ANKRD30B: variants seen among roughly 807,000 people sequenced by gnomAD.
ANKRD30B encodes the protein ankyrin repeat domain-containing protein 30B.
A neutral mutation model predicts 202.2 loss-of-function variants in ANKRD30B; 144 were observed. The ratio of observed to expected loss-of-function variants is 0.71; its 90% CI spans 0.62 to 0.82. The LOEUF (loss-of-function observed/expected upper bound fraction) is 0.82, where lower values mean the gene tolerates loss of function less well. ANKRD30B is among the 40% of genes least tolerant of loss of function. The pLI, the probability that ANKRD30B is intolerant of heterozygous loss-of-function variation, is 0.00. For synonymous variants in ANKRD30B, 508 were observed against 561.3 expected, an observed-to-expected ratio of 0.91 and a Z score of 1.34; for missense variants, 1,487 against 1,669.1, an observed-to-expected ratio of 0.89 and a Z score of 1.90.
chr18:14,810,648 C>T (rs1969863939), intron 28 of ANKRD30B, among the ~76,000 whole-genome samples: 1 of 150,810 alleles, frequency 6.6e-6, no homozygotes, highest in African/African-American at 2.5e-5. Flanking sequence ...GTGTGTGTGA[C>T]ATATAATTTT....
intron 14 of ANKRD30B, 97 bp from the exon 15 acceptor site, chr18:14,786,942 A>T: frequency 8.0e-7 from 1 of 1,246,996 alleles, no homozygotes; most frequent in Non-Finnish European, 1.1e-6. Flanking sequence ...CAGAGGAAAA[A>T]CTACAGATTC....
chr18:14,806,307 C>T (rs1969510689), intron 24 of ANKRD30B, among the ~76,000 whole-genome samples: 1 of 150,718 alleles, frequency 6.6e-6, no homozygotes, highest in Non-Finnish European at 1.5e-5. Context: ...TAAAAAGCAT[C>T]ATAATAATTA....
chr18:14,804,750 A>G (rs1411298662), intron 24 of ANKRD30B, among the ~76,000 whole-genome samples: 2 of 150,986 alleles, frequency 1.3e-5, no homozygotes, highest in Admixed American at 1.3e-4. Flanking sequence ...GATGGAAGAT[A>G]CTACTTCTAT....
At chr18:14,935,207 C>T in the ANKRD30B span, among the ~76,000 whole-genome samples, 13 of 152,214 alleles carry the variant, frequency 8.5e-5, no homozygotes, top group African/African-American at 2.9e-4. Flanking sequence ...CAAAGGTAGA[C>T]TCATGAAATG....
At chr18:14,796,494 A>G (rs1326437600) in intron 18 of ANKRD30B, 79 bp downstream of exon 18, 2 of 1,439,638 alleles carry the variant, frequency 1.4e-6, no homozygotes, top group South Asian at 1.4e-5. Flanking sequence ...TTTATTCCCA[A>G]TGTTGTTTTC....
At chr18:14,767,475 A>G (rs1916424876) in intron 7 of ANKRD30B, among the ~76,000 whole-genome samples, 1 of 152,210 alleles carries the variant, frequency 6.6e-6, no homozygotes. Flanking sequence ...GGTCTCTCAA[A>G]GTGTCTTGTA....
intron 20 of ANKRD30B, among the ~76,000 whole-genome samples, chr18:14,798,644 C>G (rs1388777841): frequency 6.6e-6 from 1 of 152,036 alleles, no homozygotes; most frequent in East Asian, 1.9e-4. Flanking sequence ...TGGACAGGCA[C>G]CCCCCTCCGT....
the ANKRD30B span, among the ~76,000 whole-genome samples, chr18:14,869,795 A>G: frequency 6.6e-6 from 1 of 152,046 alleles, no homozygotes; most frequent in South Asian, 2.1e-4. Context: ...ATTCTTTAGT[A>G]TGAACTATCA....
rs554724846 is a variant in ANKRD30B at position 14,756,746 on chromosome 18, T to C, written c.618-1069T>C. Among the ~76,000 whole-genome samples the C allele has an allele frequency of 5.9e-5, 9 of 152,252 alleles. No homozygotes were observed. In the East Asian group the frequency reaches 1.7e-3, roughly 29 times the overall value. The stretch of plus-strand genomic sequence containing the variant: ...GCATCTCTACTAAAAATACAAAAAT[T>C]ACTGCCATGGTGGCGCATGCCTGTA... On this transcript the variant is annotated intron_variant, in intron 4 of 43. Transcript: ENST00000690538.
chr18:14,754,846 C>A, intron 3 of ANKRD30B, 53 bp from the exon 4 acceptor site: 1 of 1,263,458 alleles, frequency 7.9e-7, no homozygotes, highest in South Asian at 1.8e-5. Flanking sequence ...GTATTCAGTT[C>A]AGCTGAGAAA....
chr18:14,935,617 T>A, the ANKRD30B span, among the ~76,000 whole-genome samples: 1 of 152,256 alleles, frequency 6.6e-6, no homozygotes, highest in South Asian at 2.1e-4. Context: ...TGTGTGTGCA[T>A]GCATGTGTAT....
At position 14,848,850 on chromosome 18, in the gene ANKRD30B, G is replaced by A. The variant is rs199862156; in HGVS notation, c.3316G>A (p.Glu1106Lys). The change falls in exon 40 of 44, where the codon GAA becomes AAA. Residue 1106 changes from glutamate to lysine, a missense_variant. Glu to Lys is a moderately conservative substitution (Grantham distance 56). This residue lies in a region of ANKRD30B where 177 missense variants were observed against 216.4 expected (regional missense o/e 0.82). Coordinates refer to ENST00000690538, the MANE Select transcript of ANKRD30B (RefSeq NM_001367607.2). The part of the protein sequence containing the change: ...TKNKFCVLQK[E>K]LSEAKEIKSQ... The stretch of plus-strand genomic sequence containing the variant: ...AAATAAGTTTTGTGTACTACAAAAG[G>A]AACTGTCAGAAGCGAAAGAAATAAA... 154 of 1,600,808 alleles carry A rather than the reference G, an allele frequency of 9.6e-5. No individual in the cohort carries two copies. The highest frequency in any genetic ancestry group is 1.2e-4 in the Non-Finnish European group (146 of 1,174,090).
chr18:14,916,324 A>C, the ANKRD30B span, among the ~76,000 whole-genome samples: 2 of 152,082 alleles, frequency 1.3e-5, no homozygotes, highest in African/African-American at 4.8e-5. Context: ...GAATGGCCAC[A>C]GGTTATGTTT....
In ANKRD30B at chr18:14,852,511, T is replaced by A. The variant is rs571585184; in HGVS notation, c.4476+91T>A. 25 of 1,361,128 alleles carry A rather than the reference T, an allele frequency of 1.8e-5. No individual in the cohort carries two copies. In the South Asian group the frequency reaches 3.1e-4, roughly 17 times the overall value. The allele number at this position is 1,361,128 out of a possible 1,614,324, so 84.3% of individuals were successfully genotyped here. ...GAATCTAGTTGAATATATATATATA[T>A]AAATAGATGATAAATGTACTTACTA... On this transcript the variant is annotated intron_variant, in intron 42 of 43. Coordinates refer to ENST00000690538, the MANE Select transcript of ANKRD30B (RefSeq NM_001367607.2).
chr18:14,872,489 GA>G, the ANKRD30B span, among the ~76,000 whole-genome samples: 2 of 152,064 alleles, frequency 1.3e-5, no homozygotes, highest in Non-Finnish European at 2.9e-5. Flanking sequence ...ACAATTTATT[GA>G]GAACCTGTTG....
At chr18:14,879,536 C>T in the ANKRD30B span, among the ~76,000 whole-genome samples, 8 of 151,892 alleles carry the variant, frequency 5.3e-5, no homozygotes, top group Non-Finnish European at 1.0e-4. Flanking sequence ...AATGTAGTAA[C>T]GAACCTAGGG....
chr18:14,765,240 C>T (rs545816903), intron 7 of ANKRD30B, among the ~76,000 whole-genome samples: 70 of 152,034 alleles, frequency 4.6e-4, no homozygotes, highest in African/African-American at 1.6e-3. Flanking sequence ...GCATGTGGAT[C>T]GTGAGGTTAG....
In ANKRD30B at chr18:14,848,837, T is replaced by G. The variant is rs1598720192; in HGVS notation, c.3303T>G (p.Cys1101Trp). The G allele has an allele frequency of 6.3e-7, 1 of 1,593,166 alleles. No individual in the cohort carries two copies. Among genetic ancestry groups the G allele is most frequent in the Non-Finnish European group, 8.5e-7 (1 of 1,169,816 alleles). Residue 1101 changes from cysteine (C) to tryptophan (W), a missense_variant, in exon 40 of 44, where the codon TGT (cysteine) becomes TGG (tryptophan). By Grantham distance (215) the Cys-to-Trp change is radical. Transcript: ENST00000690538. ...TGGAACAAACGAAAAATAAGTTTTG[T>G]GTACTACAAAAGGAACTGTCAGAAG... ...AKMEQTKNKF[C>W]VLQKELSEAK...
chr18:14,785,994 C>A (rs1364953022), intron 14 of ANKRD30B, among the ~76,000 whole-genome samples: 5 of 131,490 alleles, frequency 3.8e-5, no homozygotes, highest in Admixed American at 2.7e-4. Context: ...GCCGAGATTG[C>A]GCCACTGCAG....
Sources: allele counts gnomAD v4.1 joint callset (sites outside exome capture counted in the v4.1 genomes callset), GRCh38; gene constraint gnomAD v4.1.1; regional missense constraint gnomAD v4.1.1; transcripts MANE v1.5; gene names NCBI Gene and HGNC (gene_info 2026-07-23, HGNC 2026-07-21).